The following LRP1B variants were observed in gnomAD, a reference collection of about 807,000 sequenced individuals.
LRP1B encodes the protein LDL receptor related protein 1B, also known as low-density lipoprotein receptor-related protein 1B.
LRP1B carries 217 observed loss-of-function variants against 556.6 expected under a neutral mutation model. That is an observed-to-expected ratio of 0.39 (90% CI 0.35 to 0.44). The LOEUF is 0.44. Ranked by LOEUF, LRP1B falls within the 20% of genes least tolerant of loss-of-function variation. The pLI is 1.00. For synonymous variants in LRP1B, 2,047 were observed against 1,865.8 expected (o/e 1.10, Z -2.50); for missense variants, 5,053 against 5,620.8 (o/e 0.90, Z 3.23).
chr2:141,190,891 C>T (rs2105200054), intron 6 of LRP1B, among the ~76,000 whole-genome samples: 1 of 152,078 alleles, frequency 6.6e-6, no homozygotes, highest in African/African-American at 2.4e-5. Flanking sequence ...TAACTTTCTC[C>T]TTTCCTCTGA....
chr2:141,809,028 A>G (rs1056086711), intron 2 of LRP1B, among the ~76,000 whole-genome samples: 31 of 152,130 alleles, frequency 2.0e-4, no homozygotes, highest in Non-Finnish European at 7.4e-5. Flanking sequence ...TTATCTGCTG[A>G]GAACCTTGTC....
intron 1 of LRP1B, among the ~76,000 whole-genome samples, chr2:142,013,114 C>T (rs1217888180): frequency 1.3e-5 from 2 of 152,108 alleles, no homozygotes; most frequent in East Asian, 3.9e-4. Flanking sequence ...AGTAAGAATA[C>T]TGAGGCTTTG....
At chr2:140,775,713 G>A (rs1689471456) in intron 33 of LRP1B, among the ~76,000 whole-genome samples, 1 of 152,078 alleles carries the variant, frequency 6.6e-6, no homozygotes, top group Admixed American at 6.6e-5. Context: ...AAACAATGTA[G>A]TGCTTTGGAT....
chr2:141,577,111 T>C (rs1382975862), intron 2 of LRP1B, among the ~76,000 whole-genome samples: 1 of 152,208 alleles, frequency 6.6e-6, no homozygotes, highest in African/African-American at 2.4e-5. Context: ...TGATCATTGG[T>C]GACTATTGAA....
chr2:140,862,683 T>A (rs908258547), intron 27 of LRP1B, among the ~76,000 whole-genome samples: 4 of 152,168 alleles, frequency 2.6e-5, no homozygotes, highest in African/African-American at 4.8e-5. Flanking sequence ...CTTCCTGTAA[T>A]GGTTATCTTT....
intron 2 of LRP1B, among the ~76,000 whole-genome samples, chr2:141,694,581 C>T (rs1558809419): frequency 6.6e-6 from 1 of 150,670 alleles, no homozygotes; most frequent in Non-Finnish European, 1.5e-5. Flanking sequence ...TCCTGTGTCC[C>T]CATGATTAGG....
At chr2:140,264,819 T>C (rs1450463109) in intron 86 of LRP1B, among the ~76,000 whole-genome samples, 1 of 151,958 alleles carries the variant, frequency 6.6e-6, no homozygotes, top group Non-Finnish European at 1.5e-5. Flanking sequence ...ACTATATCTA[T>C]GTGCCACACA....
At chr2:141,362,168 A>G (rs1320314088) in intron 3 of LRP1B, among the ~76,000 whole-genome samples, 1 of 152,208 alleles carries the variant, frequency 6.6e-6, no homozygotes, top group East Asian at 1.9e-4. Context: ...TTTCTTGAGC[A>G]TTTTACAGAC....
intron 3 of LRP1B, among the ~76,000 whole-genome samples, chr2:141,333,198 G>C (rs1231517990): frequency 1.3e-5 from 2 of 152,034 alleles, no homozygotes; most frequent in Non-Finnish European, 2.9e-5. Flanking sequence ...TTCTACAACT[G>C]ACATTCAGCT....
At chr2:141,874,084 ATTTTTTTTTTTTT>A (rs200281267) in intron 1 of LRP1B, among the ~76,000 whole-genome samples, 1,191 of 103,168 alleles carry the variant, frequency 0.012, 12 homozygotes, top group Non-Finnish European at 0.017. Flanking sequence ...TGAACTAACA[ATTTTTTTTTTTTT>A]TTTTTTTTTT....
At chr2:141,578,267 A>C (rs1236824126) in intron 2 of LRP1B, among the ~76,000 whole-genome samples, 1 of 152,030 alleles carries the variant, frequency 6.6e-6, no homozygotes, top group Non-Finnish European at 1.5e-5. Flanking sequence ...GTGGTGGCAC[A>C]TGCCTGTTAA....
chr2:141,179,628 T>C (rs772897352), intron 7 of LRP1B, among the ~76,000 whole-genome samples: 5 of 151,880 alleles, frequency 3.3e-5, no homozygotes, highest in Non-Finnish European at 5.9e-5. Flanking sequence ...GAAGACCAAA[T>C]ACCTTCAACA....
At chr2:140,593,678 T>C (rs956775560) in intron 43 of LRP1B, among the ~76,000 whole-genome samples, 11 of 152,150 alleles carry the variant, frequency 7.2e-5, no homozygotes. Flanking sequence ...CTGTGCGGAC[T>C]TGTATTTTAT....
intron 41 of LRP1B, among the ~76,000 whole-genome samples, chr2:140,678,155 G>C (rs1685736953): frequency 6.6e-6 from 1 of 152,040 alleles, no homozygotes; most frequent in Non-Finnish European, 1.5e-5. Context: ...GTGGAAGTGA[G>C]GCAATTTACT....
intron 1 of LRP1B, among the ~76,000 whole-genome samples, chr2:141,922,395 C>T (rs1700212728): frequency 6.6e-6 from 1 of 152,116 alleles, no homozygotes; most frequent in Non-Finnish European, 1.5e-5. Flanking sequence ...GCTTTAGCCT[C>T]CTGGCAAAAA....
chr2:141,331,351 T>A (rs1687637596), intron 3 of LRP1B, among the ~76,000 whole-genome samples: 1 of 152,204 alleles, frequency 6.6e-6, no homozygotes, highest in African/African-American at 2.4e-5. Context: ...AGCATGAGCT[T>A]CTTGCTCAAT....
chr2:140,593,446 T>C (rs1291915678), intron 43 of LRP1B, among the ~76,000 whole-genome samples: 1 of 152,182 alleles, frequency 6.6e-6, no homozygotes, highest in Non-Finnish European at 1.5e-5. Flanking sequence ...GAGATGATGA[T>C]AGATACAAAA....
intron 41 of LRP1B, among the ~76,000 whole-genome samples, chr2:140,668,880 A>C (rs1685381951): frequency 6.6e-6 from 1 of 152,260 alleles, no homozygotes; most frequent in East Asian, 1.9e-4. Flanking sequence ...CACAAGAGAA[A>C]ATGTAAAATA....
chr2:141,741,412 T>C (rs1693700852), intron 2 of LRP1B, among the ~76,000 whole-genome samples: 1 of 152,000 alleles, frequency 6.6e-6, no homozygotes, highest in South Asian at 2.1e-4. Flanking sequence ...TTTACATTCC[T>C]ACCAATAGTG....
Sources: gnomAD v4.1 joint callset for allele counts (sites outside exome capture counted in the v4.1 genomes callset) on GRCh38, gnomAD v4.1.1 for gene constraint, MANE v1.5 for transcripts, NCBI Gene and HGNC (gene_info 2026-07-23, HGNC 2026-07-21) for gene names.